Variants in NRG3 observed in about 807,000 individuals in gnomAD.
NRG3 encodes the protein pro-neuregulin-3, membrane-bound isoform.
A neutral mutation model predicts 66.9 loss-of-function variants in NRG3; 31 were observed. The ratio of observed to expected loss-of-function variants is 0.46; its 90% CI spans 0.35 to 0.63. The LOEUF (loss-of-function observed/expected upper bound fraction) is 0.63, where lower values mean the gene tolerates loss of function less well. Ranked by LOEUF, NRG3 falls within the 20% of genes least tolerant of loss-of-function variation. The probability of loss-of-function intolerance (pLI) is 0.00; values close to 1 mark genes in which losing one functional copy is unlikely to be tolerated. For synonymous variants in NRG3, 393 were observed against 359.4 expected (o/e 1.09, Z -1.06); for missense variants, 910 against 878.9 (o/e 1.04, Z -0.45).
intron 2 of NRG3, among the ~76,000 whole-genome samples, chr10:82,605,452 C>A (rs1360522684): frequency 6.6e-6 from 1 of 151,890 alleles, no homozygotes; most frequent in African/African-American, 2.4e-5. Flanking sequence ...GTATAGAATT[C>A]TTTTACTACA....
chr10:82,779,479 T>C (rs557780841), intron 3 of NRG3, among the ~76,000 whole-genome samples: 1 of 152,194 alleles, frequency 6.6e-6, no homozygotes, highest in East Asian at 1.9e-4. Context: ...TAGTTATTCA[T>C]TTGTTGTTTT....
chr10:82,639,700 T>G (rs930717966), intron 2 of NRG3, among the ~76,000 whole-genome samples: 1 of 152,208 alleles, frequency 6.6e-6, no homozygotes, highest in Non-Finnish European at 1.5e-5. Context: ...AAACCAAATT[T>G]AACCCCCTTT....
intron 1 of NRG3, among the ~76,000 whole-genome samples, chr10:82,052,376 T>TTATATATTGTTTA: frequency 6.6e-6 from 1 of 152,014 alleles, no homozygotes. Context: ...ATTCTGCTCT[T>TTATATATTGTTTA]TCCAAAAGAC....
At chr10:82,658,416 T>G (rs1381903349) in intron 2 of NRG3, among the ~76,000 whole-genome samples, 1 of 152,300 alleles carries the variant, frequency 6.6e-6, no homozygotes, top group Non-Finnish European at 1.5e-5. Flanking sequence ...GTAAATGGCA[T>G]TTATGAAAAA....
At chr10:82,355,465 C>T (rs530301764) in intron 1 of NRG3, among the ~76,000 whole-genome samples, 1 of 152,236 alleles carries the variant, frequency 6.6e-6, no homozygotes, top group Admixed American at 6.5e-5. Context: ...TGAATACATA[C>T]ATGAACTTTA....
At chr10:82,046,094 A>G (rs1373620042) in intron 1 of NRG3, among the ~76,000 whole-genome samples, 4 of 142,472 alleles carry the variant, frequency 2.8e-5, no homozygotes, top group Non-Finnish European at 4.6e-5. Context: ...GTTTTTTCCA[A>G]TTCTGTGAAG....
intron 1 of NRG3, among the ~76,000 whole-genome samples, chr10:82,357,129 A>G (rs374084168): frequency 2.4e-4 from 37 of 152,354 alleles, no homozygotes; most frequent in African/African-American, 8.7e-4. Flanking sequence ...AAGGTCTGGG[A>G]AGAAGGAGCA....
At chr10:82,590,101 A>G (rs925874140) in intron 2 of NRG3, among the ~76,000 whole-genome samples, 8 of 152,202 alleles carry the variant, frequency 5.3e-5, no homozygotes, top group African/African-American at 1.4e-4. Flanking sequence ...TGCTGTATCT[A>G]CCATCTGATT....
At chr10:82,606,976 T>C (rs555368406) in intron 2 of NRG3, among the ~76,000 whole-genome samples, 45 of 152,192 alleles carry the variant, frequency 3.0e-4, no homozygotes, top group African/African-American at 1.0e-3. Context: ...CTAGGCCCCT[T>C]AAAAAACCCA....
At chr10:82,017,334 A>C (rs896272467) in intron 1 of NRG3, among the ~76,000 whole-genome samples, 1 of 152,148 alleles carries the variant, frequency 6.6e-6, no homozygotes, top group Non-Finnish European at 1.5e-5. Flanking sequence ...CATCCAGTCT[A>C]TCATTGTTGG....
chr10:82,456,554 T>A (rs1027700586), intron 2 of NRG3, among the ~76,000 whole-genome samples: 10 of 152,074 alleles, frequency 6.6e-5, no homozygotes, highest in Non-Finnish European at 1.5e-4. Flanking sequence ...GTAATAGAAA[T>A]TTTTCAGCTC....
chr10:81,927,980 T>C (rs899580462), intron 1 of NRG3, among the ~76,000 whole-genome samples: 4 of 152,190 alleles, frequency 2.6e-5, no homozygotes, highest in Admixed American at 6.5e-5. Flanking sequence ...TGACTTTTAT[T>C]ATAAATAATA....
intron 3 of NRG3, among the ~76,000 whole-genome samples, chr10:82,864,167 A>C (rs1442364509): frequency 6.6e-6 from 1 of 152,074 alleles, no homozygotes; most frequent in Non-Finnish European, 1.5e-5. Flanking sequence ...ATTTGGAAAA[A>C]AGGGGTGGTG....
intron 2 of NRG3, among the ~76,000 whole-genome samples, chr10:82,735,669 A>G (rs955334650): frequency 2.6e-5 from 4 of 152,050 alleles, no homozygotes; most frequent in Non-Finnish European, 5.9e-5. Context: ...AGAAAACCAA[A>G]CACCACATTA....
intron 2 of NRG3, among the ~76,000 whole-genome samples, chr10:82,698,092 C>A (rs2134260240): frequency 6.6e-6 from 1 of 152,242 alleles, no homozygotes; most frequent in Non-Finnish European, 1.5e-5. Context: ...ATCTAATAAC[C>A]TCCTAGATTT....
chr10:82,247,216 T>G (rs2077284253), intron 1 of NRG3, among the ~76,000 whole-genome samples: 1 of 152,192 alleles, frequency 6.6e-6, no homozygotes, highest in African/African-American at 2.4e-5. Context: ...TTAGGGTATA[T>G]CTTAGTTAAT....
At chr10:82,760,353 A>C (rs1262065018) in intron 3 of NRG3, among the ~76,000 whole-genome samples, 1 of 152,184 alleles carries the variant, frequency 6.6e-6, no homozygotes, top group Non-Finnish European at 1.5e-5. Context: ...AGCATATAAG[A>C]AAATCTTCAT....
At chr10:82,006,022 G>A (rs1296472173) in intron 1 of NRG3, among the ~76,000 whole-genome samples, 2 of 151,604 alleles carry the variant, frequency 1.3e-5, no homozygotes, top group Non-Finnish European at 2.9e-5. Flanking sequence ...TAGGTTGTAC[G>A]TTGTGTCTGT....
chr10:81,977,888 CTTTTTAT>C (rs1368692696), intron 1 of NRG3, among the ~76,000 whole-genome samples: 10 of 152,082 alleles, frequency 6.6e-5, no homozygotes, highest in Non-Finnish European at 1.3e-4. Context: ...TTTTCTTTTA[CTTTTTAT>C]TTTTTATTTA....
Sources: gnomAD v4.1 joint callset for allele counts (sites outside exome capture counted in the v4.1 genomes callset) on GRCh38, gnomAD v4.1.1 for gene constraint, MANE v1.5 for transcripts, NCBI Gene and HGNC (gene_info 2026-07-23, HGNC 2026-07-21) for gene names.